PIK3CB: variants seen among roughly 807,000 people sequenced by gnomAD.
PIK3CB encodes phosphatidylinositol 4,5-bisphosphate 3-kinase catalytic subunit beta isoform.
Under a neutral mutation model 136.8 loss-of-function variants are expected in PIK3CB, and 39 were observed. The observed-to-expected ratio is 0.29, with a 90% CI of 0.22 to 0.37. The LOEUF is 0.37. Among genes scored for constraint, PIK3CB ranks in the 10% least tolerant of loss-of-function variants. The probability of loss-of-function intolerance (pLI) is 1.00; values close to 1 mark genes in which losing one functional copy is unlikely to be tolerated. For synonymous variants in PIK3CB, 428 were observed against 436.6 expected, an observed-to-expected ratio of 0.98 and a Z score of 0.25; for missense variants, 868 against 1,275.4, an observed-to-expected ratio of 0.68 and a Z score of 4.87.
intron 2 of PIK3CB, among the ~76,000 whole-genome samples, chr3:138,787,329 G>A (rs1386762669): frequency 2.8e-5 from 4 of 143,444 alleles, no homozygotes; most frequent in Non-Finnish European, 4.5e-5. Context: ...TCGCACCACC[G>A]CACTCCAGCC....
intron 1 of PIK3CB, among the ~76,000 whole-genome samples, chr3:138,816,311 C>T (rs1055300528): frequency 8.0e-5 from 12 of 150,854 alleles, no homozygotes; most frequent in Non-Finnish European, 1.2e-4. Flanking sequence ...AAATAAAAAC[C>T]AGCCGGGCAT....
rs573509017 is a variant in PIK3CB, at chr3:138,671,754, G to A, written c.2505-6551C>T. 2.0e-5 allele frequency among the ~76,000 whole-genome samples: 3 copies of A among 152,380 alleles called. No homozygotes were observed. The East Asian group carries it at 5.8e-4, about 29-fold the overall frequency. On this transcript the variant is annotated intron_variant, in intron 19 of 23. Coordinates refer to ENST00000674063, the MANE Select transcript of PIK3CB (RefSeq NM_006219.3). ...GCGTAGAGGGGTGCCTCCTTGGCCA[G>A]TTGCCATGAGAGCACACCTGAACAA...
At chr3:138,784,038 A>G (rs959777164) in intron 2 of PIK3CB, among the ~76,000 whole-genome samples, 4 of 152,180 alleles carry the variant, frequency 2.6e-5, no homozygotes, top group African/African-American at 9.6e-5. Flanking sequence ...AACTGATTTA[A>G]CCTCTTCCAA....
At chr3:138,791,872 T>C (rs908620151) in intron 2 of PIK3CB, among the ~76,000 whole-genome samples, 45 of 152,194 alleles carry the variant, frequency 3.0e-4, no homozygotes, top group African/African-American at 1.1e-3. Context: ...TGTCTACTTT[T>C]CCCTAATATA....
At chr3:138,697,434 A>ATTTT (rs980932489) in intron 13 of PIK3CB, among the ~76,000 whole-genome samples, 3 of 151,886 alleles carry the variant, frequency 2.0e-5, no homozygotes, top group Non-Finnish European at 4.4e-5. Flanking sequence ...TTATTTATTT[A>ATTTT]TTTATTTATT....
At chr3:138,717,253 CAAAA>C (rs538932107) in intron 8 of PIK3CB, among the ~76,000 whole-genome samples, 4 of 78,796 alleles carry the variant, frequency 5.1e-5, no homozygotes, top group Admixed American at 2.5e-4. Flanking sequence ...GACGCTGTCT[CAAAA>C]AAAAAAAAAA....
At chr3:138,792,676 T>C (rs1216663142) in intron 2 of PIK3CB, among the ~76,000 whole-genome samples, 1 of 152,128 alleles carries the variant, frequency 6.6e-6, no homozygotes, top group East Asian at 1.9e-4. Flanking sequence ...CTTAGAAGAG[T>C]AGCAATCTTT....
chr3:138,791,868 C>G (rs1363721405), intron 2 of PIK3CB, among the ~76,000 whole-genome samples: 2 of 152,218 alleles, frequency 1.3e-5, no homozygotes, highest in East Asian at 3.8e-4. Flanking sequence ...TCAATGTCTA[C>G]TTTTCCCTAA....
intron 8 of PIK3CB, among the ~76,000 whole-genome samples, chr3:138,720,001 A>G (rs2044693221): frequency 6.6e-6 from 1 of 152,180 alleles, no homozygotes; most frequent in South Asian, 2.1e-4. Flanking sequence ...AAGCTTGGGA[A>G]TCAAGCAAAG....
chr3:138,750,402 T>G (rs1365880879), intron 4 of PIK3CB, among the ~76,000 whole-genome samples: 1 of 152,158 alleles, frequency 6.6e-6, no homozygotes, highest in African/African-American at 2.4e-5. Context: ...CCACCTCAGA[T>G]CATCAGGCAT....
chr3:138,720,034 G>C (rs1031027161), intron 8 of PIK3CB, among the ~76,000 whole-genome samples: 6 of 152,116 alleles, frequency 3.9e-5, no homozygotes, highest in Non-Finnish European at 8.8e-5. Context: ...TCAAGTTTCT[G>C]ACAAGAAAGA....
At chr3:138,705,174 C>CAAAAAAAAAAAAAAAAA (rs1159172292) in intron 11 of PIK3CB, among the ~76,000 whole-genome samples, 1 of 57,060 alleles carries the variant, frequency 1.8e-5, no homozygotes, top group Admixed American at 2.3e-4. Context: ...AAAAAAAAAA[C>CAAAAAAAAAAAAAAAAA]AAAAAACAAA....
intron 21 of PIK3CB, among the ~76,000 whole-genome samples, chr3:138,658,103 A>C (rs2043222810): frequency 6.6e-6 from 1 of 152,242 alleles, no homozygotes; most frequent in Non-Finnish European, 1.5e-5. Context: ...ACATCCAAAG[A>C]ATTAAAATGT....
intron 2 of PIK3CB, among the ~76,000 whole-genome samples, chr3:138,770,742 T>A (rs1359888879): frequency 6.6e-6 from 1 of 152,154 alleles, no homozygotes; most frequent in African/African-American, 2.4e-5. Flanking sequence ...GACTAAGTCT[T>A]GCTCTGTCAC....
At chr3:138,796,775 A>G (rs980777432) in intron 1 of PIK3CB, 2 of 152,118 alleles carry the variant, frequency 1.3e-5, no homozygotes, top group Non-Finnish European at 2.9e-5. Flanking sequence ...AGTAGGCTTT[A>G]TATATTCAGG....
chr3:138,663,690 T>G (rs2043348216), intron 21 of PIK3CB, among the ~76,000 whole-genome samples: 1 of 152,136 alleles, frequency 6.6e-6, no homozygotes, highest in South Asian at 2.1e-4. Context: ...CCTTTAGTAA[T>G]TTTTTAAACA....
In PIK3CB at chr3:138,819,296, G is replaced by A. The variant is rs904285636; in HGVS notation, c.-122+15399C>T. On this transcript the variant is annotated intron_variant, in intron 1 of 23. Transcript: ENST00000674063. The stretch of plus-strand genomic sequence containing the variant: ...CTGGAGGCGGAGATGGCAGTTAGCC[G>A]AGATTGCGCCATTGTCCTCCAGCCT... 3.3e-5 allele frequency among the ~76,000 whole-genome samples: 5 copies of A among 151,628 alleles called. No homozygotes were observed. In the East Asian group the frequency reaches 5.8e-4, roughly 18 times the overall value.
At chr3:138,702,601 C>A (rs950668582) in intron 12 of PIK3CB, among the ~76,000 whole-genome samples, 1 of 152,122 alleles carries the variant, frequency 6.6e-6, no homozygotes, top group Non-Finnish European at 1.5e-5. Context: ...CCAAGACCTG[C>A]CTGTGTAACT....
intron 12 of PIK3CB, among the ~76,000 whole-genome samples, chr3:138,701,938 A>G (rs1243625989): frequency 6.6e-6 from 1 of 150,554 alleles, no homozygotes; most frequent in Non-Finnish European, 1.5e-5. Flanking sequence ...GAAACTATAT[A>G]TATATATAGT....
Sources: allele counts gnomAD v4.1 joint callset (sites outside exome capture counted in the v4.1 genomes callset), GRCh38; gene constraint gnomAD v4.1.1; transcripts MANE v1.5; gene names NCBI Gene and HGNC (gene_info 2026-07-23, HGNC 2026-07-21).